SH3GL2: variants seen among roughly 807,000 people sequenced by gnomAD.
SH3GL2 encodes endophilin-A1.
SH3GL2 carries 24 observed loss-of-function variants against 46.0 expected under a neutral mutation model. That is an observed-to-expected ratio of 0.52 (90% confidence interval 0.38 to 0.73). The LOEUF (loss-of-function observed/expected upper bound fraction) is 0.73, where lower values mean the gene tolerates loss of function less well. Ranked by LOEUF, SH3GL2 falls within the 30% of genes least tolerant of loss-of-function variation. The pLI is 0.00. For missense variants in SH3GL2, 413 were observed against 424.2 expected (o/e 0.97, Z 0.23); for synonymous variants, 196 against 147.1 (o/e 1.33, Z -2.40).
chr9:17,664,049 A>T (rs1272074751), intron 1 of SH3GL2, among the ~76,000 whole-genome samples: 3 of 152,244 alleles, frequency 2.0e-5, no homozygotes, highest in African/African-American at 4.8e-5. Context: ...TTTTATTTTT[A>T]AAAAATATAT....
intron 1 of SH3GL2, among the ~76,000 whole-genome samples, 167 bp from the exon 2 acceptor site, chr9:17,746,899 G>A (rs1822704826): frequency 6.6e-6 from 1 of 152,172 alleles, no homozygotes; most frequent in South Asian, 2.1e-4. Context: ...AAGTTTTTCA[G>A]ACCCTCAGAG....
intron 1 of SH3GL2, among the ~76,000 whole-genome samples, chr9:17,628,432 G>A (rs1268233739): frequency 6.7e-6 from 1 of 149,206 alleles, no homozygotes; most frequent in Non-Finnish European, 1.5e-5. Context: ...GTGTGTGTGT[G>A]TGTGTGTGTG....
chr9:17,756,986 T>G (rs1823014306), intron 2 of SH3GL2, among the ~76,000 whole-genome samples: 1 of 152,174 alleles, frequency 6.6e-6, no homozygotes, highest in South Asian at 2.1e-4. Context: ...CTCCAGCACC[T>G]GTTGTTTCCT....
chr9:17,594,531 TG>T (rs899362000), intron 1 of SH3GL2, among the ~76,000 whole-genome samples: 52 of 152,154 alleles, frequency 3.4e-4, no homozygotes, highest in Admixed American at 2.2e-3. Context: ...CTAATGCATG[TG>T]GGGCTTAAAA....
At chr9:17,691,617 T>A (rs1821080917) in intron 1 of SH3GL2, among the ~76,000 whole-genome samples, 1 of 152,154 alleles carries the variant, frequency 6.6e-6, no homozygotes, top group African/African-American at 2.4e-5. Flanking sequence ...AAGACTGGAT[T>A]TTTAAAAATC....
intron 1 of SH3GL2, among the ~76,000 whole-genome samples, chr9:17,606,986 A>G (rs553442959): frequency 1.3e-5 from 2 of 152,336 alleles, no homozygotes; most frequent in East Asian, 3.9e-4. Context: ...TCAGAGGAGC[A>G]TGTTTACTAG....
At chr9:17,747,966 A>G (rs10119271) in intron 2 of SH3GL2, among the ~76,000 whole-genome samples, 101,210 of 152,002 alleles carry the variant, frequency 0.67, 34,391 homozygotes, top group East Asian at 0.83. Context: ...GAACCACTGC[A>G]CCCAGCAGAG....
intron 1 of SH3GL2, among the ~76,000 whole-genome samples, chr9:17,643,769 A>C (rs539631517): frequency 2.0e-5 from 3 of 152,320 alleles, no homozygotes; most frequent in African/African-American, 7.2e-5. Flanking sequence ...ATTGGTGTTC[A>C]TCAGGGATGT....
intron 1 of SH3GL2, among the ~76,000 whole-genome samples, chr9:17,654,288 G>A (rs1820021209): frequency 6.6e-6 from 1 of 152,170 alleles, no homozygotes; most frequent in Admixed American, 6.6e-5. Context: ...TCGCTTTACT[G>A]TGGTGATTAT....
intron 1 of SH3GL2, among the ~76,000 whole-genome samples, chr9:17,624,334 C>T (rs963940264): frequency 3.3e-5 from 5 of 152,154 alleles, no homozygotes; most frequent in African/African-American, 9.7e-5. Flanking sequence ...CTGTGGGGAG[C>T]TACTGTAAGG....
At chr9:17,728,437 G>A (rs1822080235) in intron 1 of SH3GL2, among the ~76,000 whole-genome samples, 1 of 151,808 alleles carries the variant, frequency 6.6e-6, no homozygotes, top group South Asian at 2.1e-4. Context: ...ATACTCTTCT[G>A]AATTTTATTT....
chr9:17,695,406 T>C (rs1360245599), intron 1 of SH3GL2, among the ~76,000 whole-genome samples: 1 of 152,026 alleles, frequency 6.6e-6, no homozygotes, highest in African/African-American at 2.4e-5. Flanking sequence ...TTCCAGGGGG[T>C]TAGAAACTTC....
At chr9:17,634,797 C>T (rs1480331463) in intron 1 of SH3GL2, among the ~76,000 whole-genome samples, 1 of 152,130 alleles carries the variant, frequency 6.6e-6, no homozygotes, top group Admixed American at 6.6e-5. Flanking sequence ...TCTTCTGGCC[C>T]TGGGAATTAC....
chr9:17,616,873 C>T (rs1053301160), intron 1 of SH3GL2, among the ~76,000 whole-genome samples: 15 of 152,116 alleles, frequency 9.9e-5, no homozygotes, highest in African/African-American at 3.4e-4. Flanking sequence ...ATAATACAGT[C>T]AGCGTAGTAT....
In SH3GL2 at chr9:17,689,400, T is replaced by G. The variant is rs542586844; in HGVS notation, c.46-57666T>G. The stretch of plus-strand genomic sequence containing the variant: ...AGCAAATCTGAATAAACTGTGCACT[T>G]TAGTTCATAATAATATATCAATATT... On this transcript the variant is annotated intron_variant, in intron 1 of 8. Transcript: ENST00000380607. 1.1e-4 allele frequency among the ~76,000 whole-genome samples: 17 copies of G among 152,186 alleles called. No individual in the cohort carries two copies. The South Asian group carries it at 3.5e-3, about 32-fold the overall frequency.
At chr9:17,638,838 GA>G (rs1174154408) in intron 1 of SH3GL2, among the ~76,000 whole-genome samples, 2 of 152,232 alleles carry the variant, frequency 1.3e-5, no homozygotes, top group Admixed American at 6.5e-5. Context: ...CAGACTGGGG[GA>G]GGGGGTGGTG....
intron 1 of SH3GL2, among the ~76,000 whole-genome samples, chr9:17,586,970 G>A (rs1452755795): frequency 3.3e-5 from 5 of 152,198 alleles, no homozygotes; most frequent in Non-Finnish European, 7.3e-5. Flanking sequence ...ACTTTGGGAG[G>A]TCGAGGCAGG....
intron 1 of SH3GL2, among the ~76,000 whole-genome samples, chr9:17,666,428 C>G (rs1452801593): frequency 6.6e-6 from 1 of 152,044 alleles, no homozygotes; most frequent in African/African-American, 2.4e-5. Flanking sequence ...ACCCTAGTTC[C>G]TGTTACCTAT....
At chr9:17,653,169 G>C (rs1006433768) in intron 1 of SH3GL2, among the ~76,000 whole-genome samples, 2 of 151,972 alleles carry the variant, frequency 1.3e-5, no homozygotes, top group Non-Finnish European at 2.9e-5. Context: ...TTTTCTATCA[G>C]GCTTATTTTC....
Sources: gnomAD v4.1 joint callset for allele counts (sites outside exome capture counted in the v4.1 genomes callset) on GRCh38, gnomAD v4.1.1 for gene constraint, MANE v1.5 for transcripts, NCBI Gene and HGNC (gene_info 2026-07-23, HGNC 2026-07-21) for gene names.